The following PPP1R2 variants were observed in gnomAD, a reference collection of about 807,000 sequenced individuals.
PPP1R2 encodes the protein protein phosphatase 1 regulatory inhibitor subunit 2.
A neutral mutation model predicts 29.9 loss-of-function variants in PPP1R2; 16 were observed. The observed-to-expected ratio is 0.53, with a 90% CI of 0.36 to 0.81. PPP1R2 has a LOEUF of 0.81. PPP1R2 is among the 30% of genes least tolerant of loss of function. PPP1R2 has a pLI of 0.00. For synonymous variants in PPP1R2, 76 were observed against 91.5 expected, an observed-to-expected ratio of 0.83 and a Z score of 0.96; for missense variants, 197 against 252.7, an observed-to-expected ratio of 0.78 and a Z score of 1.49.
intron 3 of PPP1R2, 127 bp from the exon 4 acceptor site, chr3:195,523,913 G>T: frequency 1.2e-6 from 1 of 809,930 alleles, no homozygotes; most frequent in Non-Finnish European, 2.0e-6. Context: ...ACCTGATGAG[G>T]AAAATAAAAG....
chr3:195,526,463 G>C (rs1043074413), intron 2 of PPP1R2, among the ~76,000 whole-genome samples: 21 of 152,218 alleles, frequency 1.4e-4, no homozygotes, highest in African/African-American at 4.6e-4. Flanking sequence ...GCAGTGAACT[G>C]ATAAAAGCAG....
At position 195,543,275 on chromosome 3, in the gene PPP1R2, G is replaced by A. The variant is rs939152512; in HGVS notation, c.-250C>T. The A allele has an allele frequency of 7.8e-6, 3 of 386,596 alleles. No homozygotes were observed. Among genetic ancestry groups the A allele is most frequent in the African/African-American group, 2.1e-5 (1 of 47,526 alleles). The allele number at this position is 386,596 out of a possible 1,614,324, so 23.9% of individuals were successfully genotyped here. On this transcript the variant is annotated 5_prime_UTR_variant, in exon 1 of 6. Coordinates refer to ENST00000618156, the MANE Select transcript of PPP1R2 (RefSeq NM_006241.8). ...CACTGGCACTTGACCCGCGGCTCGC[G>A]GAGAGACGCCGGCCTAGAGCTCCAG...
At chr3:195,516,983 G>A (rs775866364) in intron 5 of PPP1R2, 41 bp from the exon 6 acceptor site, 2 of 1,552,004 alleles carry the variant, frequency 1.3e-6, no homozygotes, top group South Asian at 1.1e-5. Context: ...TTTGTTATAT[G>A]TTGTCAACCC....
chr3:195,533,511 A>G (rs1719264467), intron 1 of PPP1R2, among the ~76,000 whole-genome samples: 2 of 152,344 alleles, frequency 1.3e-5, no homozygotes, highest in South Asian at 4.1e-4. Context: ...CATGGGAGTC[A>G]TACAAAATGC....
intron 1 of PPP1R2, among the ~76,000 whole-genome samples, chr3:195,532,220 T>TCTTTC (rs1200060934): frequency 2.1e-5 from 3 of 145,116 alleles, no homozygotes; most frequent in Non-Finnish European, 3.0e-5. Context: ...TTTTTCTTTT[T>TCTTTC]TTTTTTTTTT....
intron 1 of PPP1R2, among the ~76,000 whole-genome samples, chr3:195,534,118 C>T (rs1719285609): frequency 6.6e-6 from 1 of 152,054 alleles, no homozygotes; most frequent in African/African-American, 2.4e-5. Flanking sequence ...AGTTTGAGAA[C>T]AGCTTGGGCA....
At chr3:195,525,277 C>T (rs923604171) in intron 2 of PPP1R2, among the ~76,000 whole-genome samples, 5 of 152,054 alleles carry the variant, frequency 3.3e-5, no homozygotes, top group South Asian at 4.2e-4. Flanking sequence ...ACTATTTGCA[C>T]AGTATTTACA....
rs1417185767 is a variant in PPP1R2 at position 195,543,083 on chromosome 3, G to A, written c.-58C>T. 1.3e-6 allele frequency: 2 copies of A among 1,559,272 alleles called. No homozygotes were observed. On this transcript the variant is annotated 5_prime_UTR_variant, in exon 1 of 6. Coordinates refer to ENST00000618156, the MANE Select transcript of PPP1R2 (RefSeq NM_006241.8). ...CTGCTTGGCGTGGGGTCCGCGAAGA[G>A]AAGGGTCGGCACAGCAGAGACTCGC... is the stretch of plus-strand genomic sequence containing the variant.
At chr3:195,526,286 C>T (rs1139313) in intron 2 of PPP1R2, among the ~76,000 whole-genome samples, 38,415 of 151,536 alleles carry the variant, frequency 0.25, 6,073 homozygotes, top group Admixed American at 0.44. Context: ...TTTGTAGAGA[C>T]GGGGTCTCTC....
chr3:195,530,436 T>C (rs1312588167), intron 1 of PPP1R2, among the ~76,000 whole-genome samples: 1 of 152,234 alleles, frequency 6.6e-6, no homozygotes, highest in Non-Finnish European at 1.5e-5. Flanking sequence ...CAGCTCTGTT[T>C]ATTTCTAATC....
intron 4 of PPP1R2, among the ~76,000 whole-genome samples, chr3:195,520,696 T>A (rs1413813918): frequency 6.6e-6 from 1 of 152,166 alleles, no homozygotes; most frequent in Admixed American, 6.5e-5. Context: ...TTTTAAATTT[T>A]AATTTTTAGA....
chr3:195,517,657 G>A (rs895216907), intron 5 of PPP1R2, among the ~76,000 whole-genome samples: 2 of 151,938 alleles, frequency 1.3e-5, no homozygotes, highest in Non-Finnish European at 2.9e-5. Flanking sequence ...CGGACAAAAT[G>A]CCATAGTTAT....
rs1044728723 is a variant in PPP1R2 at position 195,519,933 on chromosome 3, C to A, written c.404-748G>T. ...TCAGAAAATTAAAAAAAAAAAAAAA[C>A]AACAGAAAAGGGGGGGCCAATATAA... On this transcript the variant is annotated intron_variant, in intron 4 of 5. Coordinates refer to ENST00000618156, the MANE Select transcript of PPP1R2 (RefSeq NM_006241.8). Among the ~76,000 whole-genome samples, 8 of 136,712 alleles carry A rather than the reference C, an allele frequency of 5.9e-5. No individual in the cohort carries two copies. The South Asian group carries it at 6.9e-4, about 12-fold the overall frequency. 89.7% of individuals were successfully genotyped at this position (136,712 alleles called of 152,430 possible).
At chr3:195,520,198 C>T (rs888984774) in intron 4 of PPP1R2, among the ~76,000 whole-genome samples, 6 of 152,000 alleles carry the variant, frequency 3.9e-5, no homozygotes, top group South Asian at 2.1e-4. Flanking sequence ...TTAGTAGAGA[C>T]GGGGTTTCAT....
At chr3:195,531,978 G>C (rs185084349) in intron 1 of PPP1R2, among the ~76,000 whole-genome samples, 10 of 152,132 alleles carry the variant, frequency 6.6e-5, no homozygotes, top group Admixed American at 4.6e-4. Flanking sequence ...TGTGACTGGC[G>C]TATCTCACTA....
At chr3:195,530,223 A>G (rs894162815) in intron 1 of PPP1R2, among the ~76,000 whole-genome samples, 7 of 152,358 alleles carry the variant, frequency 4.6e-5, no homozygotes, top group East Asian at 3.9e-4. Flanking sequence ...GTCAAAATCT[A>G]TACATTCGCT....
intron 1 of PPP1R2, among the ~76,000 whole-genome samples, chr3:195,534,131 C>A (rs1170676340): frequency 6.6e-6 from 1 of 151,998 alleles, no homozygotes; most frequent in Non-Finnish European, 1.5e-5. Flanking sequence ...CTTGGGCAAC[C>A]ATAGTGAGAC....
intron 5 of PPP1R2, 34 bp downstream of exon 5, chr3:195,518,983 AC>A: frequency 6.2e-7 from 1 of 1,608,762 alleles, no homozygotes; most frequent in Non-Finnish European, 8.5e-7. Flanking sequence ...ATAGACCATT[AC>A]AAAAGTCTCA....
At chr3:195,533,898 C>A (rs371704192) in intron 1 of PPP1R2, among the ~76,000 whole-genome samples, 8 of 152,208 alleles carry the variant, frequency 5.3e-5, no homozygotes, top group African/African-American at 1.9e-4. Flanking sequence ...GAATTTAATG[C>A]GAGCAAACAA....
Sources: allele counts gnomAD v4.1 joint callset (sites outside exome capture counted in the v4.1 genomes callset), GRCh38; gene constraint gnomAD v4.1.1; transcripts MANE v1.5; gene names NCBI Gene and HGNC (gene_info 2026-07-23, HGNC 2026-07-21).